Variants in CCSER2 observed in about 807,000 individuals in gnomAD.
CCSER2 encodes the protein serine-rich coiled-coil domain-containing protein 2.
Under a neutral mutation model 92.3 loss-of-function variants are expected in CCSER2, and 46 were observed. That is an observed-to-expected ratio of 0.50 (90% CI 0.39 to 0.64). The LOEUF is 0.64. CCSER2 is among the 30% of genes least tolerant of loss of function. The pLI is 0.00. For missense variants in CCSER2, 1,244 were observed against 1,238.9 expected (o/e 1.00, Z -0.06); for synonymous variants, 433 against 431.4 (o/e 1.00, Z -0.04).
intron 9 of CCSER2, among the ~76,000 whole-genome samples, chr10:84,496,273 T>G (rs1437670674): frequency 2.6e-5 from 4 of 152,230 alleles, no homozygotes; most frequent in South Asian, 4.1e-4. Context: ...AGGCCTACAC[T>G]CCCCAGTCCT....
At position 84,517,289 on chromosome 10, in the gene CCSER2, AAGG is replaced by A. The variant is rs1263502926; in HGVS notation, c.*3025_*3027del. The A allele has an allele frequency of 5.2e-5, 8 of 152,644 alleles. No individual in the cohort carries two copies. The highest frequency in any genetic ancestry group is 1.7e-4 in the African/African-American group (7 of 41,462). 9.5% of individuals were successfully genotyped at this position (152,644 alleles called of 1,614,324 possible). A position where few individuals can be genotyped will look rare whatever the true frequency, so the allele number is the denominator to read the frequency against. ...AAATTTTTAAAAGAAGGCTTGGCCT[AAGG>A]AGTTTATTGGTACAGGTGCAGATGA... On this transcript the variant is annotated 3_prime_UTR_variant, in exon 10 of 10. Transcript: ENST00000372088.
intron 3 of CCSER2, among the ~76,000 whole-genome samples, chr10:84,396,820 A>G (rs1446361681): frequency 6.6e-6 from 1 of 152,080 alleles, no homozygotes; most frequent in African/African-American, 2.4e-5. Context: ...TACAGGCGTG[A>G]GCCACCACAC....
intron 3 of CCSER2, chr10:84,389,277 T>A (rs1841393688): frequency 3.9e-6 from 2 of 511,866 alleles, no homozygotes; most frequent in Non-Finnish European, 7.8e-6. Flanking sequence ...ATCTCTTTAA[T>A]CGTTCCAGAG....
In CCSER2 at chr10:84,328,649, C is replaced by T. The variant is rs1843384458; in HGVS notation, c.-199C>T. 1 of 150,778 alleles carries T rather than the reference C, an allele frequency of 6.6e-6. No homozygotes were observed. The highest frequency in any genetic ancestry group is 2.1e-4 in the South Asian group (1 of 4,830). 9.3% of individuals were successfully genotyped at this position (150,778 alleles called of 1,614,324 possible). ...CGGCGGCTTTGGAGTCCGGCGCTCCCTCAGGCCGCGGACGCGATGCTGGTT... is the reference window on the plus strand; with the variant it reads ...CGGCGGCTTTGGAGTCCGGCGCTCCTTCAGGCCGCGGACGCGATGCTGGTT... On this transcript the variant is annotated 5_prime_UTR_variant, in exon 1 of 10. Coordinates refer to ENST00000372088, the MANE Select transcript of CCSER2 (RefSeq NM_001284240.2).
intron 4 of CCSER2, among the ~76,000 whole-genome samples, chr10:84,421,100 AT>A (rs748811905): frequency 5.3e-5 from 8 of 152,188 alleles, no homozygotes; most frequent in Non-Finnish European, 1.2e-4. Context: ...CAATTGTCAG[AT>A]TATCATTTCA....
chr10:84,502,779 T>C (rs998741001), intron 9 of CCSER2, among the ~76,000 whole-genome samples: 8 of 152,182 alleles, frequency 5.3e-5, no homozygotes, highest in Non-Finnish European at 1.2e-4. Context: ...GTTTGTTGTT[T>C]TTTAAGTTAC....
intron 9 of CCSER2, among the ~76,000 whole-genome samples, chr10:84,477,909 T>C (rs181188266): frequency 7.9e-5 from 12 of 152,344 alleles, no homozygotes; most frequent in African/African-American, 2.4e-4. Context: ...GTTCATTTTA[T>C]TTGCGTGTCT....
intron 8 of CCSER2, among the ~76,000 whole-genome samples, chr10:84,475,310 G>A (rs1847073749): frequency 6.6e-6 from 1 of 152,142 alleles, no homozygotes; most frequent in South Asian, 2.1e-4. Context: ...TGTACAGTCT[G>A]TCAGCAATAA....
intron 1 of CCSER2, among the ~76,000 whole-genome samples, chr10:84,343,675 T>G (rs901109104): frequency 3.9e-5 from 6 of 152,200 alleles, no homozygotes; most frequent in African/African-American, 1.4e-4. Flanking sequence ...TACTTAAGGC[T>G]TAAGAAGATG....
chr10:84,412,262 G>T (rs1480228307), intron 3 of CCSER2, among the ~76,000 whole-genome samples: 2 of 151,634 alleles, frequency 1.3e-5, no homozygotes, highest in African/African-American at 4.8e-5. Context: ...TTTTTTTATT[G>T]TATCTCTGCC....
chr10:84,409,769 T>G (rs1842556455), intron 3 of CCSER2, among the ~76,000 whole-genome samples: 1 of 152,198 alleles, frequency 6.6e-6, no homozygotes, highest in Non-Finnish European at 1.5e-5. Context: ...CGACTTTTAT[T>G]TAAGTTTATG....
chr10:84,436,090 G>A lies in CCSER2; in HGVS notation c.1869-2422G>A, dbSNP rs577353060. On this transcript the variant is annotated intron_variant, in intron 5 of 9. Coordinates refer to ENST00000372088, the MANE Select transcript of CCSER2 (RefSeq NM_001284240.2). The stretch of plus-strand genomic sequence containing the variant: ...GACGCCTGTAATCCCACCACTTTGG[G>A]AGGGCGAGGCGGGCGAATCACGAGG... Among the ~76,000 whole-genome samples the A allele has an allele frequency of 2.0e-5, 3 of 152,236 alleles. No homozygotes were observed. The East Asian group carries it at 5.8e-4, about 29-fold the overall frequency.
chr10:84,424,969 G>T, intron 4 of CCSER2: 5 of 984,576 alleles, frequency 5.1e-6, no homozygotes, highest in Non-Finnish European at 6.0e-6. Context: ...GTCTGAGTAG[G>T]CAGCCGGTAA....
intron 1 of CCSER2, among the ~76,000 whole-genome samples, chr10:84,332,651 T>A (rs868537125): frequency 3.3e-5 from 5 of 151,532 alleles, no homozygotes; most frequent in East Asian, 1.9e-4. Context: ...TATTATATAT[T>A]TTTTTAAAAA....
At chr10:84,472,117 A>G (rs1846843522) in intron 8 of CCSER2, among the ~76,000 whole-genome samples, 1 of 152,248 alleles carries the variant, frequency 6.6e-6, no homozygotes, top group Non-Finnish European at 1.5e-5. Context: ...AAACTAAAGT[A>G]ATAGAAATTA....
chr10:84,488,374 C>G (rs1847936664), intron 9 of CCSER2, among the ~76,000 whole-genome samples: 2 of 152,128 alleles, frequency 1.3e-5, no homozygotes, highest in Non-Finnish European at 2.9e-5. Flanking sequence ...TGGTCCTGGA[C>G]TTTTTTTGTT....
intron 5 of CCSER2, among the ~76,000 whole-genome samples, chr10:84,437,922 A>AT (rs1209596752): frequency 1.3e-5 from 2 of 151,866 alleles, no homozygotes; most frequent in Non-Finnish European, 2.9e-5. Flanking sequence ...CCGAGAGTAG[A>AT]TTTTTTTAAT....
At chr10:84,375,763 TA>T (rs1469749049) in intron 3 of CCSER2, among the ~76,000 whole-genome samples, 1 of 151,710 alleles carries the variant, frequency 6.6e-6, no homozygotes, top group Non-Finnish European at 1.5e-5. Flanking sequence ...CTAGTGAGTT[TA>T]ATCCTTTTAT....
chr10:84,433,598 T>A (rs1360777431), intron 5 of CCSER2, among the ~76,000 whole-genome samples: 1 of 152,214 alleles, frequency 6.6e-6, no homozygotes, highest in African/African-American at 2.4e-5. Flanking sequence ...TATTTGTAAG[T>A]ATATGGGTGT....
Sources: gnomAD v4.1 joint callset for allele counts (sites outside exome capture counted in the v4.1 genomes callset) on GRCh38, gnomAD v4.1.1 for gene constraint, MANE v1.5 for transcripts, NCBI Gene and HGNC (gene_info 2026-07-23, HGNC 2026-07-21) for gene names.